Variants in CTNNA2 observed in about 807,000 individuals in gnomAD.
CTNNA2 encodes catenin alpha 2.
A neutral mutation model predicts 101.0 loss-of-function variants in CTNNA2; 42 were observed. That is an observed-to-expected ratio of 0.42 (90% CI 0.32 to 0.54). The LOEUF is 0.54. CTNNA2 is among the 20% of genes least tolerant of loss of function. CTNNA2 has a pLI of 0.14. For synonymous variants in CTNNA2, 450 were observed against 456.4 expected, an observed-to-expected ratio of 0.99 and a Z score of 0.18; for missense variants, 871 against 1,223.1, an observed-to-expected ratio of 0.71 and a Z score of 4.29.
intron 12 of CTNNA2, among the ~76,000 whole-genome samples, chr2:80,571,659 T>C (rs1305726633): frequency 1.3e-5 from 2 of 152,196 alleles, no homozygotes; most frequent in Non-Finnish European, 1.5e-5. Context: ...ATATTGTTTT[T>C]CCCACTCGAA....
intron 4 of CTNNA2, among the ~76,000 whole-genome samples, chr2:79,494,975 C>T (rs1030575401): frequency 4.6e-5 from 7 of 151,888 alleles, no homozygotes; most frequent in African/African-American, 1.7e-4. Flanking sequence ...TGGTTGCAGG[C>T]GCCTGTAGTC....
rs1471814713 is a variant in CTNNA2 at position 80,303,577 on chromosome 2, G to T, written c.1057-89634G>T. 1 of 1,614,230 alleles carries T rather than the reference G, an allele frequency of 6.2e-7. No individual in the cohort carries two copies. The highest frequency in any genetic ancestry group is 2.2e-5 in the East Asian group (1 of 44,872). On this transcript the variant is annotated intron_variant, in intron 7 of 18. Transcript: ENST00000402739. This position sits in a 1 kb window ranked among gnomAD's most constrained non-coding sequence, Gnocchi z 7.7. ...GCATTAACCCCGTGAACTGGCCGGC[G>T]CGCAGCTCCGAGAGGCTGTTGTAGC...
intron 1 of CTNNA2, among the ~76,000 whole-genome samples, chr2:79,598,268 A>G (rs527663701): frequency 5.9e-5 from 9 of 152,324 alleles, no homozygotes; most frequent in African/African-American, 2.2e-4. Context: ...GCTGCTATAA[A>G]CATTCATATG....
rs116344323 is a variant in CTNNA2 at position 79,424,763 on chromosome 2, G to A, written c.-135+50750G>A. Among the ~76,000 whole-genome samples, 80 of 152,192 alleles carry A rather than the reference G, an allele frequency of 5.3e-4. No homozygotes were observed. The South Asian group carries it at 6.2e-3, about 12-fold the overall frequency. On this transcript the variant is annotated intron_variant, in intron 4 of 21. Coordinates refer to the CTNNA2 transcript ENST00000466387. ...CTTTAAGCTTCTGATCCATGACAAC[G>A]AGTGGGTCAAAAGATATAAAACGAA... is the stretch of plus-strand genomic sequence containing the variant.
intron 9 of CTNNA2, among the ~76,000 whole-genome samples, chr2:80,452,044 A>G (rs977597283): frequency 1.3e-5 from 2 of 152,238 alleles, no homozygotes; most frequent in Non-Finnish European, 2.9e-5. Context: ...TTATAACAAT[A>G]TTTAAGCTAT....
intron 18 of CTNNA2, among the ~76,000 whole-genome samples, chr2:80,630,663 T>C (rs1054052577): frequency 2.6e-5 from 4 of 151,974 alleles, no homozygotes; most frequent in African/African-American, 9.7e-5. Flanking sequence ...AATAAATAGT[T>C]AAAATAAAAT....
intron 7 of CTNNA2, among the ~76,000 whole-genome samples, chr2:80,102,880 C>T (rs192848657): frequency 1.2e-4 from 18 of 152,142 alleles, no homozygotes; most frequent in African/African-American, 3.9e-4. Flanking sequence ...GTGATCGTGA[C>T]GTAGGCCCTT....
intron 5 of CTNNA2, among the ~76,000 whole-genome samples, chr2:79,506,474 G>A (rs1254566783): frequency 2.0e-5 from 3 of 152,130 alleles, no homozygotes; most frequent in African/African-American, 7.2e-5. Flanking sequence ...AAACCCACCT[G>A]TACCACCTGC....
intron 7 of CTNNA2, among the ~76,000 whole-genome samples, chr2:80,316,517 A>G (rs1678139479): frequency 6.6e-6 from 1 of 152,224 alleles, no homozygotes; most frequent in South Asian, 2.1e-4. Context: ...AAGATTTTAT[A>G]CAATTAATAA....
intron 7 of CTNNA2, among the ~76,000 whole-genome samples, chr2:80,356,486 T>C (rs993802115): frequency 6.6e-6 from 1 of 152,130 alleles, no homozygotes; most frequent in Non-Finnish European, 1.5e-5. Context: ...TCTCATCCAA[T>C]AATAAACATT....
At position 79,908,123 on chromosome 2, in the gene CTNNA2, A is replaced by G. The variant is rs1450444969; in HGVS notation, c.853-1471A>G. On this transcript the variant is annotated intron_variant, in intron 6 of 18. Transcript: ENST00000402739. Reference sequence around the variant, plus strand: ...AACTTAAGCAGTTATTGTATATACTACATCAGCATAAAAAATCCATAAAAG... The same window carrying G: ...AACTTAAGCAGTTATTGTATATACTGCATCAGCATAAAAAATCCATAAAAG... 2.0e-5 allele frequency among the ~76,000 whole-genome samples: 3 copies of G among 152,330 alleles called. No homozygotes were observed. The East Asian group carries it at 5.8e-4, about 29-fold the overall frequency.
intron 9 of CTNNA2, among the ~76,000 whole-genome samples, chr2:80,535,870 A>G (rs1455502244): frequency 6.6e-6 from 1 of 152,160 alleles, no homozygotes; most frequent in Non-Finnish European, 1.5e-5. Context: ...ATTCCATAAT[A>G]CCTCAGCAGG....
At chr2:80,243,349 G>C (rs1009139711) in intron 7 of CTNNA2, among the ~76,000 whole-genome samples, 2 of 151,934 alleles carry the variant, frequency 1.3e-5, no homozygotes, top group South Asian at 4.2e-4. Flanking sequence ...TGGTTTCCAC[G>C]AGATAATCAT....
intron 7 of CTNNA2, among the ~76,000 whole-genome samples, chr2:80,084,957 T>A (rs1424441739): frequency 6.6e-6 from 1 of 152,074 alleles, no homozygotes; most frequent in Non-Finnish European, 1.5e-5. Context: ...GTGGGATTCC[T>A]AGAAGAAGCA....
At chr2:79,264,116 A>G (rs1674959376) in intron 2 of CTNNA2, among the ~76,000 whole-genome samples, 1 of 152,136 alleles carries the variant, frequency 6.6e-6, no homozygotes, top group Admixed American at 6.5e-5. Flanking sequence ...CAGGACGAAA[A>G]TAATATAACT....
intron 6 of CTNNA2, among the ~76,000 whole-genome samples, chr2:79,888,407 G>T (rs1185007567): frequency 1.3e-5 from 2 of 152,050 alleles, no homozygotes; most frequent in Non-Finnish European, 2.9e-5. Context: ...CTCTGATATT[G>T]CTTCTAAACA....
intron 8 of CTNNA2, among the ~76,000 whole-genome samples, chr2:80,418,079 C>T (rs1680192264): frequency 1.3e-5 from 2 of 152,140 alleles, no homozygotes; most frequent in South Asian, 2.1e-4. Context: ...TTTGATTCCA[C>T]TCTAAATATC....
chr2:79,320,867 A>C (rs896373), intron 3 of CTNNA2, among the ~76,000 whole-genome samples: 151,588 of 152,252 alleles, frequency 1, 75,466 homozygotes, highest in Middle Eastern at 1. Flanking sequence ...AATAAAGACA[A>C]CCTGAAGTAC....
intron 7 of CTNNA2, among the ~76,000 whole-genome samples, chr2:79,926,375 A>G (rs547565740): frequency 6.6e-6 from 1 of 152,308 alleles, no homozygotes; most frequent in South Asian, 2.1e-4. Context: ...ATTTTGCAGC[A>G]TACATAAGTT....
Sources: allele counts gnomAD v4.1 joint callset (sites outside exome capture counted in the v4.1 genomes callset), GRCh38; gene constraint gnomAD v4.1.1; non-coding constraint Gnocchi (gnomAD v3.1); transcripts MANE v1.5; gene names NCBI Gene and HGNC (gene_info 2026-07-23, HGNC 2026-07-21).